CAMK2B: variants seen among roughly 807,000 people sequenced by gnomAD.
CAMK2B encodes calcium/calmodulin dependent protein kinase II beta, also known as calcium/calmodulin-dependent protein kinase type II subunit beta.
In CAMK2B, 27 loss-of-function variants were observed where a neutral mutation model predicts 93.7. The ratio of observed to expected loss-of-function variants is 0.29; its 90% CI spans 0.21 to 0.40. CAMK2B has a LOEUF of 0.40. Ranked by LOEUF, CAMK2B falls within the 10% of genes least tolerant of loss-of-function variation. The pLI is 1.00. For synonymous variants in CAMK2B, 374 were observed against 358.8 expected, an observed-to-expected ratio of 1.04 and a Z score of -0.48; for missense variants, 568 against 895.8, an observed-to-expected ratio of 0.63 and a Z score of 4.67.
intron 1 of CAMK2B, among the ~76,000 whole-genome samples, chr7:44,321,436 G>A (rs572791436): frequency 1.3e-5 from 2 of 152,268 alleles, no homozygotes; most frequent in East Asian, 3.9e-4. Flanking sequence ...GGGAGGGGTG[G>A]GAGATGCCCT....
chr7:44,305,615 T>TGAGGTGGGG (rs1384828520), intron 1 of CAMK2B, among the ~76,000 whole-genome samples: 1 of 152,128 alleles, frequency 6.6e-6, no homozygotes, highest in East Asian at 1.9e-4. Context: ...GGCACCCCTG[T>TGAGGTGGGG]GAGGTGGGGG....
chr7:44,243,136 C>T (rs768047562), intron 8 of CAMK2B, 114 bp downstream of exon 8: 13 of 792,022 alleles, frequency 1.6e-5, no homozygotes, highest in Non-Finnish European at 2.5e-5. Context: ...AGGTCTGACA[C>T]AGATAAACCC....
Position 44,220,059 on chromosome 7 carries a change from C to T in CAMK2B, c.*2+1G>A. On this transcript the variant is annotated splice_donor_variant, in intron 23 of 23. Coordinates refer to ENST00000395749, the MANE Select transcript of CAMK2B (RefSeq NM_001220.5). LOFTEE classifies it low-confidence loss of function (3UTR_SPLICE). ...GCTGTCACTTAGCACAGAACACTCA[C>T]CTTCACTGCAGCGGGGCCACAGGCG... 6.4e-7 allele frequency: 1 copy of T among 1,573,582 alleles called. No homozygotes were observed. Among genetic ancestry groups the T allele is most frequent in the Non-Finnish European group, 8.6e-7 (1 of 1,163,846 alleles).
At chr7:44,306,989 A>G (rs1280733569) in intron 1 of CAMK2B, among the ~76,000 whole-genome samples, 51 of 95,430 alleles carry the variant, frequency 5.3e-4, no homozygotes, top group Middle Eastern at 9.1e-3. Flanking sequence ...GGAGGGTGTG[A>G]GCAGGAGGAG....
chr7:44,283,802 A>G (rs927961640), intron 2 of CAMK2B, among the ~76,000 whole-genome samples: 2 of 152,206 alleles, frequency 1.3e-5, no homozygotes, highest in African/African-American at 4.8e-5. Context: ...AGACCCCCAT[A>G]CACGGGATGG....
chr7:44,310,434 G>A (rs748459526), intron 1 of CAMK2B, among the ~76,000 whole-genome samples: 27 of 152,292 alleles, frequency 1.8e-4, no homozygotes, highest in Middle Eastern at 3.4e-3. Context: ...AGAGTTACGT[G>A]GCAGCCCAAG....
At chr7:44,303,999 G>A (rs149770518) in intron 1 of CAMK2B, among the ~76,000 whole-genome samples, 87 of 152,216 alleles carry the variant, frequency 5.7e-4, no homozygotes, top group African/African-American at 1.9e-3. Context: ...AAATATGCTC[G>A]ACATCGTAAG....
At chr7:44,309,268 G>A (rs973870305) in intron 1 of CAMK2B, among the ~76,000 whole-genome samples, 3 of 152,214 alleles carry the variant, frequency 2.0e-5, no homozygotes, top group East Asian at 3.8e-4. Flanking sequence ...CCGGGCTCTG[G>A]GGCAGGGGTC....
Position 44,271,926 on chromosome 7 carries a change from GGGCAGGCCTGTGAGCTGCTCAT to G in CAMK2B, c.161-8884_161-8863del, listed in dbSNP as rs1277515477. On this transcript the variant is annotated intron_variant, in intron 2 of 23. Coordinates refer to ENST00000395749, the MANE Select transcript of CAMK2B (RefSeq NM_001220.5). The surrounding 1 kb of genome is among the most constrained non-coding windows in gnomAD (Gnocchi z 4.2). ...CTTCTGTGTGCTGAGGACTGGCTCT[GGGCAGGCCTGTGAGCTGCTCAT>G]GGCACCCATGAAACAGGGCTGTTGC... 6.6e-6 allele frequency among the ~76,000 whole-genome samples: 1 copy of G among 152,244 alleles called. No individual in the cohort carries two copies. The highest frequency in any genetic ancestry group is 1.5e-5 in the Non-Finnish European group (1 of 68,042).
chr7:44,229,017 C>G, intron 18 of CAMK2B, 93 bp from the exon 19 acceptor site: 1 of 1,221,604 alleles, frequency 8.2e-7, no homozygotes, highest in South Asian at 1.2e-5. Flanking sequence ...GTCCCGTGTT[C>G]TAGACCCCTT....
At position 44,232,852 on chromosome 7, in the gene CAMK2B, G is replaced by A. The variant is rs779949267; in HGVS notation, c.1146C>T (p.Thr382=). ...TCCCGTCCACTGGGTTATGGATGAC[G>A]GTGGTTTGAGGCTCCTACAGAAGAA... ...LPPAALEPQT[T]VIHNPVDGIK... Residue 382 remains threonine (T), a synonymous_variant, in exon 16 of 24, where the codon ACC becomes ACT. Coordinates refer to ENST00000395749, the MANE Select transcript of CAMK2B (RefSeq NM_001220.5). 6 of 1,613,900 alleles carry A rather than the reference G, an allele frequency of 3.7e-6. No individual in the cohort carries two copies. Among genetic ancestry groups the A allele is most frequent in the South Asian group, 2.2e-5 (2 of 91,082 alleles).
rs1017700853 is a variant in CAMK2B at position 44,253,911 on chromosome 7, T to G, written c.341+631A>C. 1.2e-4 allele frequency among the ~76,000 whole-genome samples: 18 copies of G among 151,844 alleles called. No homozygotes were observed. In the South Asian group the frequency reaches 3.3e-3, roughly 28 times the overall value. On this transcript the variant is annotated intron_variant, in intron 5 of 23. Transcript: ENST00000395749. ...CCATGCCTGGCCTCAGTTTTTTTTT[T>G]TTTTTTTTTTAAATACACATCTCTG...
chr7:44,325,432 G>C lies in CAMK2B; in HGVS notation c.-11C>G. The C allele has an allele frequency of 8.8e-7, 1 of 1,138,884 alleles. No individual in the cohort carries two copies. The highest frequency in any genetic ancestry group is 1.1e-6 in the Non-Finnish European group (1 of 910,262). 70.5% of individuals were successfully genotyped at this position (1,138,884 alleles called of 1,614,324 possible). ...CACCGTGGTGGCCATGGCGGCGGCG[G>C]ACGGGCTCGGCGTGCGCTCGGCTGC... is the stretch of plus-strand genomic sequence containing the variant. On this transcript the variant is annotated 5_prime_UTR_variant, in exon 1 of 24. Transcript: ENST00000395749.
chr7:44,251,345 C>G lies in CAMK2B; in HGVS notation c.341+3197G>C, dbSNP rs1584219353. 3.9e-5 allele frequency among the ~76,000 whole-genome samples: 6 copies of G among 151,906 alleles called. No individual in the cohort carries two copies. The South Asian group carries it at 1.3e-3, about 32-fold the overall frequency. ...GTTGGGTAGGGGCCCACGGGTGCCT[C>G]TGTCAGACTCTCCACCGAGCTCCAC... On this transcript the variant is annotated intron_variant, in intron 5 of 23. Transcript: ENST00000395749.
At chr7:44,232,201 T>TC (rs1220615115) in intron 16 of CAMK2B, among the ~76,000 whole-genome samples, 1 of 144 alleles carries the variant, frequency 6.9e-3, no homozygotes, top group African/African-American at 0.024. Flanking sequence ...ACAGAGGCAC[T>TC]CTGGGGCTCT....
intron 1 of CAMK2B, among the ~76,000 whole-genome samples, chr7:44,321,300 C>A (rs996493832): frequency 6.6e-6 from 1 of 152,136 alleles, no homozygotes; most frequent in Admixed American, 6.5e-5. Context: ...AGTGATGCCC[C>A]CGCGAGCGGT....
chr7:44,259,042 G>A, intron 3 of CAMK2B, 116 bp from the exon 4 acceptor site: 1 of 956,312 alleles, frequency 1.0e-6, no homozygotes. Context: ...CTGCCCAGAG[G>A]ATCGGGCTGG....
At chr7:44,264,445 C>T (rs73317741) in intron 2 of CAMK2B, among the ~76,000 whole-genome samples, 280 of 152,264 alleles carry the variant, frequency 1.8e-3, no homozygotes, top group African/African-American at 6.3e-3. Flanking sequence ...TCTCTGGGAG[C>T]GGCATCCCCT....
intron 1 of CAMK2B, among the ~76,000 whole-genome samples, chr7:44,320,015 T>C (rs1032794406): frequency 3.9e-5 from 6 of 152,006 alleles, no homozygotes; most frequent in African/African-American, 1.5e-4. Flanking sequence ...CTCTGGAGAG[T>C]GAGGGAACTT....
Sources: allele counts gnomAD v4.1 joint callset (sites outside exome capture counted in the v4.1 genomes callset), GRCh38; gene constraint gnomAD v4.1.1; non-coding constraint Gnocchi (gnomAD v3.1); transcripts MANE v1.5; gene names NCBI Gene and HGNC (gene_info 2026-07-23, HGNC 2026-07-21).